Variants in TLE4 observed in about 807,000 individuals in gnomAD.
TLE4 encodes TLE family member 4, transcriptional corepressor.
A neutral mutation model predicts 92.8 loss-of-function variants in TLE4; 8 were observed. That is an observed-to-expected ratio of 0.09 (90% CI 0.05 to 0.16). The LOEUF (loss-of-function observed/expected upper bound fraction) is 0.16. TLE4 is among the 10% of genes least tolerant of loss of function. The pLI is 1.00. For missense variants in TLE4, 675 were observed against 997.6 expected (o/e 0.68, Z 4.36); for synonymous variants, 371 against 374.1 (o/e 0.99, Z 0.10).
intron 15 of TLE4, among the ~76,000 whole-genome samples, chr9:79,719,581 T>C (rs535841695): frequency 6.6e-6 from 1 of 152,270 alleles, no homozygotes; most frequent in African/African-American, 2.4e-5. Flanking sequence ...AGTCACGTAA[T>C]GCAGGCCCAG....
intron 14 of TLE4, among the ~76,000 whole-genome samples, chr9:79,712,474 T>C (rs954060827): frequency 2.0e-5 from 3 of 152,200 alleles, no homozygotes; most frequent in African/African-American, 7.2e-5. Context: ...TTAAGTGTGC[T>C]AGAAAATAAA....
intron 11 of TLE4, 102 bp downstream of exon 11, chr9:79,707,001 T>C (rs574215636): frequency 6.4e-7 from 1 of 1,562,008 alleles, no homozygotes; most frequent in Admixed American, 1.9e-5. Flanking sequence ...AACAGGACTT[T>C]TATTTCCAAA....
At chr9:79,636,792 T>C (rs926150201) in intron 6 of TLE4, among the ~76,000 whole-genome samples, 15 of 152,192 alleles carry the variant, frequency 9.9e-5, no homozygotes, top group African/African-American at 3.6e-4. Flanking sequence ...TTTGTAGCCA[T>C]GAAGCCTAGA....
intron 8 of TLE4, among the ~76,000 whole-genome samples, chr9:79,684,918 G>A (rs1306696458): frequency 6.6e-6 from 1 of 152,216 alleles, no homozygotes; most frequent in African/African-American, 2.4e-5. Context: ...ATTGCAGTCA[G>A]TCTAACACAG....
intron 4 of TLE4, among the ~76,000 whole-genome samples, chr9:79,608,048 A>G (rs750839528): frequency 2.6e-5 from 4 of 152,118 alleles, no homozygotes; most frequent in Admixed American, 6.6e-5. Context: ...ACCTAATTGA[A>G]CACCCTTTAT....
At position 79,614,780 on chromosome 9, in the gene TLE4, CAGT is replaced by C. The variant is rs1157833519; in HGVS notation, c.315+2064_315+2066del. Among the ~76,000 whole-genome samples the C allele has an allele frequency of 9.9e-5, 15 of 152,070 alleles. No homozygotes were observed. The East Asian group carries it at 2.9e-3, about 30-fold the overall frequency. On this transcript the variant is annotated intron_variant, in intron 5 of 19. Transcript: ENST00000376552. Reference sequence around the variant, plus strand: ...ACACAAATTTTAAACTTTCTTAAAACAGTATGAGATTTTTCTTTGCAATTTTTT... The same window carrying C: ...ACACAAATTTTAAACTTTCTTAAAACATGAGATTTTTCTTTGCAATTTTTT...
At chr9:79,723,220 AG>A (rs1337078152) in intron 19 of TLE4, among the ~76,000 whole-genome samples, 185 bp downstream of exon 19, 6 of 152,238 alleles carry the variant, frequency 3.9e-5, no homozygotes, top group African/African-American at 1.4e-4. Context: ...AGCTGGGGAT[AG>A]TCCCCAGTGT....
chr9:79,626,483 A>C (rs2052637855), intron 5 of TLE4, among the ~76,000 whole-genome samples: 2 of 152,242 alleles, frequency 1.3e-5, no homozygotes, highest in African/African-American at 4.8e-5. Context: ...TTTTAAACCA[A>C]AATTGACTGT....
chr9:79,650,428 C>T (rs1331075919), intron 6 of TLE4, among the ~76,000 whole-genome samples: 14 of 151,994 alleles, frequency 9.2e-5, no homozygotes, highest in Admixed American at 9.2e-4. Context: ...GGCTGTGTGT[C>T]CAAAACATAC....
intron 14 of TLE4, among the ~76,000 whole-genome samples, chr9:79,711,896 T>A (rs2073388278): frequency 6.6e-6 from 1 of 152,178 alleles, no homozygotes; most frequent in Non-Finnish European, 1.5e-5. Flanking sequence ...ACCAGGAAAA[T>A]GACACTACTA....
chr9:79,573,369 G>C, intron 1 of TLE4: 3 of 1,143,952 alleles, frequency 2.6e-6, no homozygotes, highest in African/African-American at 1.6e-5. Flanking sequence ...TTTCGATTCC[G>C]GGTGAGGAGG....
intron 8 of TLE4, among the ~76,000 whole-genome samples, chr9:79,694,584 A>G (rs908988113): frequency 3.3e-5 from 5 of 152,202 alleles, no homozygotes; most frequent in Non-Finnish European, 7.3e-5. Context: ...TGAAGTTACT[A>G]TCAGTCACAA....
In TLE4 at chr9:79,649,761, C is replaced by T; in HGVS notation, c.391-2832C>T. 7 of 1,319,350 alleles carry T rather than the reference C, an allele frequency of 5.3e-6. No homozygotes were observed. In the South Asian group the frequency reaches 8.6e-5, roughly 16 times the overall value. 81.7% of individuals were successfully genotyped at this position (1,319,350 alleles called of 1,614,324 possible). A position where few individuals can be genotyped will look rare whatever the true frequency, so the allele number is the denominator to read the frequency against. On this transcript the variant is annotated intron_variant, in intron 6 of 19. Coordinates refer to ENST00000376552, the MANE Select transcript of TLE4 (RefSeq NM_007005.6). ...ATGTCATGTATAACTATGATTTCTGCCTTTGAAAAGTTCTGGTCCAATGGA... is the reference window on the plus strand; with the variant it reads ...ATGTCATGTATAACTATGATTTCTGTCTTTGAAAAGTTCTGGTCCAATGGA...
chr9:79,704,633 C>T (rs1412358198), intron 8 of TLE4, 150 bp from the exon 9 acceptor site: 11 of 976,602 alleles, frequency 1.1e-5, no homozygotes, highest in South Asian at 6.0e-5. Context: ...TTCTTCCTTT[C>T]GTCTCCTCCG....
intron 6 of TLE4, among the ~76,000 whole-genome samples, chr9:79,634,728 G>A (rs1415733661): frequency 6.6e-6 from 1 of 152,132 alleles, no homozygotes; most frequent in Non-Finnish European, 1.5e-5. Flanking sequence ...ACAATGTCAT[G>A]TAAATGGAAT....
At chr9:79,718,471 T>C (rs1332178158) in intron 14 of TLE4, among the ~76,000 whole-genome samples, 2 of 152,220 alleles carry the variant, frequency 1.3e-5, no homozygotes, top group Admixed American at 1.3e-4. Context: ...ACTGCTGTTC[T>C]AGTTTAGAGA....
At chr9:79,708,916 C>T in intron 13 of TLE4, 130 bp downstream of exon 13, 4 of 1,136,588 alleles carry the variant, frequency 3.5e-6, no homozygotes, top group Non-Finnish European at 4.8e-6. Flanking sequence ...ACTGCAGCCT[C>T]TGCCTCCTGG....
intron 5 of TLE4, among the ~76,000 whole-genome samples, chr9:79,621,372 C>G (rs577644369): frequency 6.6e-6 from 1 of 152,036 alleles, no homozygotes; most frequent in Non-Finnish European, 1.5e-5. Flanking sequence ...GATGGTTAAC[C>G]TAGAAGAGAT....
intron 4 of TLE4, chr9:79,576,512 T>C (rs2037827296): frequency 5.7e-6 from 1 of 175,294 alleles, no homozygotes. Flanking sequence ...ACTTGTCTTG[T>C]GAAAGAGCTT....
Sources: allele counts gnomAD v4.1 joint callset (sites outside exome capture counted in the v4.1 genomes callset), GRCh38; gene constraint gnomAD v4.1.1; transcripts MANE v1.5; gene names NCBI Gene and HGNC (gene_info 2026-07-23, HGNC 2026-07-21).